Variants in PDLIM1 observed in about 807,000 individuals in gnomAD.
PDLIM1 encodes the protein PDZ and LIM domain 1.
A neutral mutation model predicts 35.2 loss-of-function variants in PDLIM1; 25 were observed. That is an observed-to-expected ratio of 0.71 (90% confidence interval 0.52 to 0.99). The LOEUF (loss-of-function observed/expected upper bound fraction) is 0.99. Among genes scored for constraint, PDLIM1 ranks in the 50% least tolerant of loss-of-function variants. PDLIM1 has a pLI of 0.00. For synonymous variants in PDLIM1, 152 were observed against 154.0 expected, an observed-to-expected ratio of 0.99 and a Z score of 0.10; for missense variants, 363 against 415.3, an observed-to-expected ratio of 0.87 and a Z score of 1.09.
At chr10:95,276,333 G>T (rs1436379217) in intron 1 of PDLIM1, among the ~76,000 whole-genome samples, 1 of 151,920 alleles carries the variant, frequency 6.6e-6, no homozygotes, top group African/African-American at 2.4e-5. Context: ...CTCATCTGCA[G>T]TGGCCTTCTA....
chr10:95,248,248 A>AT (rs897659329), intron 4 of PDLIM1, among the ~76,000 whole-genome samples: 26 of 152,276 alleles, frequency 1.7e-4, no homozygotes, highest in Middle Eastern at 3.4e-3. Context: ...TCAGAGTGAT[A>AT]TTTTTTGTTT....
At chr10:95,260,589 C>T (rs1239371633) in intron 4 of PDLIM1, among the ~76,000 whole-genome samples, 2 of 152,196 alleles carry the variant, frequency 1.3e-5, no homozygotes, top group South Asian at 2.1e-4. Flanking sequence ...CCTCACCTGC[C>T]TTACCAGTTG....
chr10:95,246,025 C>G (rs1032312938), intron 5 of PDLIM1, among the ~76,000 whole-genome samples: 2 of 152,190 alleles, frequency 1.3e-5, no homozygotes, highest in Non-Finnish European at 2.9e-5. Flanking sequence ...CAAGGTGTCC[C>G]CTCACTGGAG....
intron 4 of PDLIM1, among the ~76,000 whole-genome samples, chr10:95,256,258 A>G (rs548627379): frequency 6.6e-6 from 1 of 152,338 alleles, no homozygotes; most frequent in Admixed American, 6.5e-5. Flanking sequence ...GACTGTTAAA[A>G]TATCTGTACT....
At chr10:95,240,247 C>T (rs896212611) in intron 5 of PDLIM1, among the ~76,000 whole-genome samples, 1 of 152,198 alleles carries the variant, frequency 6.6e-6, no homozygotes, top group African/African-American at 2.4e-5. Flanking sequence ...AACCTAAATT[C>T]CCATCAATGA....
chr10:95,263,396 T>A (rs989019240), intron 4 of PDLIM1, among the ~76,000 whole-genome samples: 1 of 152,120 alleles, frequency 6.6e-6, no homozygotes, highest in African/African-American at 2.4e-5. Context: ...AAGCAAACAC[T>A]GCTTCACCAA....
intron 5 of PDLIM1, among the ~76,000 whole-genome samples, chr10:95,240,649 A>T (rs1229698128): frequency 6.6e-6 from 1 of 152,238 alleles, no homozygotes; most frequent in African/African-American, 2.4e-5. Flanking sequence ...CCCTGAACTT[A>T]AATGTTGGAA....
intron 5 of PDLIM1, chr10:95,238,982 A>G (rs987520420): frequency 3.8e-6 from 1 of 262,756 alleles, no homozygotes; most frequent in Non-Finnish European, 7.4e-6. Context: ...ACAAGGCTAC[A>G]GTAATCAAAA....
chr10:95,276,670 C>T (rs943067351), intron 1 of PDLIM1, among the ~76,000 whole-genome samples: 1 of 152,076 alleles, frequency 6.6e-6, no homozygotes, highest in Non-Finnish European at 1.5e-5. Flanking sequence ...CCAATATTCA[C>T]GTGATGCTAC....
chr10:95,262,359 G>T (rs887992358), intron 4 of PDLIM1, among the ~76,000 whole-genome samples: 10 of 152,182 alleles, frequency 6.6e-5, no homozygotes, highest in Non-Finnish European at 1.5e-4. Flanking sequence ...AAAAATTGAT[G>T]ATTCCAAGTG....
intron 5 of PDLIM1, among the ~76,000 whole-genome samples, chr10:95,243,459 C>T (rs2035194750): frequency 1.3e-5 from 2 of 152,302 alleles, no homozygotes; most frequent in South Asian, 4.2e-4. Context: ...CTTCACTGCT[C>T]AACAACCTTG....
rs2035465847 is a variant in PDLIM1, at chr10:95,271,636, G to C, written c.245C>G (p.Ala82Gly). The C allele has an allele frequency of 1.2e-6, 2 of 1,601,066 alleles. No individual in the cohort carries two copies. Among genetic ancestry groups the C allele is most frequent in the African/African-American group, 1.4e-5 (1 of 73,978 alleles). Residue 82 changes from alanine (A) to glycine (G), a missense_variant, in exon 2 of 7, where the codon GCC becomes GGC. By Grantham distance (60) the Ala-to-Gly change is moderately conservative. Transcript: ENST00000329399. The stretch of plus-strand genomic sequence containing the variant: ...AAAACGTTTCCATAGGCTTCACCTG[G>C]CTACAGTGAGAGTCAAGTTGTCTGT... The part of the protein sequence containing the change: ...GCTDNLTLTV[A>G]RSEHKVWSPL...
chr10:95,287,488 G>A (rs1036976920), intron 1 of PDLIM1, among the ~76,000 whole-genome samples: 1 of 152,112 alleles, frequency 6.6e-6, no homozygotes, highest in African/African-American at 2.4e-5. Flanking sequence ...AGAGACAAAT[G>A]AGCAACTCCT....
At chr10:95,281,525 C>G (rs953840274) in intron 1 of PDLIM1, among the ~76,000 whole-genome samples, 11 of 152,186 alleles carry the variant, frequency 7.2e-5, no homozygotes, top group African/African-American at 2.7e-4. Context: ...TATGATAGCA[C>G]CACTACACTC....
intron 5 of PDLIM1, among the ~76,000 whole-genome samples, chr10:95,239,654 G>C (rs2035159321): frequency 6.6e-6 from 1 of 152,158 alleles, no homozygotes; most frequent in South Asian, 2.1e-4. Context: ...AAATTAGCCA[G>C]GTGTGGTGGC....
intron 1 of PDLIM1, among the ~76,000 whole-genome samples, chr10:95,281,678 G>A (rs922630678): frequency 3.9e-5 from 6 of 152,266 alleles, no homozygotes; most frequent in African/African-American, 1.4e-4. Flanking sequence ...TTTAAATAGA[G>A]ATGGGGTCTC....
intron 3 of PDLIM1, 138 bp from the exon 4 acceptor site, chr10:95,264,201 A>G (rs941274352): frequency 2.0e-5 from 13 of 660,682 alleles, no homozygotes; most frequent in Admixed American, 1.5e-4. Context: ...TAGCTGAGGG[A>G]CACTGACACA....
At chr10:95,238,200 G>A in intron 6 of PDLIM1, 89 bp from the exon 7 acceptor site, 1 of 1,180,400 alleles carries the variant, frequency 8.5e-7, no homozygotes. Flanking sequence ...TCCTGAGCAG[G>A]GGCCTGGGGC....
intron 4 of PDLIM1, among the ~76,000 whole-genome samples, chr10:95,249,398 A>G (rs1389921211): frequency 6.6e-6 from 1 of 152,230 alleles, no homozygotes; most frequent in Non-Finnish European, 1.5e-5. Context: ...CAATTTATTG[A>G]TGCAGATGGA....
Sources: gnomAD v4.1 joint callset for allele counts (sites outside exome capture counted in the v4.1 genomes callset) on GRCh38, gnomAD v4.1.1 for gene constraint, MANE v1.5 for transcripts, NCBI Gene and HGNC (gene_info 2026-07-23, HGNC 2026-07-21) for gene names.